ARHGEF38: variants seen among roughly 807,000 people sequenced by gnomAD.
The protein encoded by ARHGEF38 is Rho guanine nucleotide exchange factor (GEF) 38.
In ARHGEF38, 79 loss-of-function variants were observed where a neutral mutation model predicts 79.9. The observed-to-expected ratio is 0.99, with a 90% CI of 0.82 to 1.19. The LOEUF is 1.19. Among genes scored for constraint, ARHGEF38 ranks in the 50% most tolerant of loss-of-function variants. The pLI, the probability that ARHGEF38 is intolerant of heterozygous loss-of-function variation, is 0.00. For synonymous variants in ARHGEF38, 366 were observed against 328.3 expected (o/e 1.11, Z -1.24); for missense variants, 962 against 907.2 (o/e 1.06, Z -0.78).
intron 1 of ARHGEF38, among the ~76,000 whole-genome samples, chr4:105,576,362 C>A (rs1400927483): frequency 6.6e-6 from 1 of 150,484 alleles, no homozygotes; most frequent in Non-Finnish European, 1.5e-5. Flanking sequence ...AGAATTTTCA[C>A]CTCCTTGGTT....
chr4:105,615,565 A>G (rs1158969722), intron 3 of ARHGEF38, among the ~76,000 whole-genome samples: 1 of 152,206 alleles, frequency 6.6e-6, no homozygotes, highest in Non-Finnish European at 1.5e-5. Flanking sequence ...TCTAGAGCAT[A>G]CTGATTTTAG....
At chr4:105,657,205 A>G (rs1395991465) in intron 9 of ARHGEF38, among the ~76,000 whole-genome samples, 1 of 152,196 alleles carries the variant, frequency 6.6e-6, no homozygotes, top group African/African-American at 2.4e-5. Context: ...CAATACATTA[A>G]GTTAATATAT....
chr4:105,677,271 T>C (rs996141872), intron 13 of ARHGEF38, among the ~76,000 whole-genome samples: 5 of 152,148 alleles, frequency 3.3e-5, no homozygotes, highest in Non-Finnish European at 5.9e-5. Flanking sequence ...CCTGCACCGT[T>C]TTTAATGACT....
chr4:105,649,700 C>A (rs1730017982), intron 7 of ARHGEF38, among the ~76,000 whole-genome samples: 1 of 152,144 alleles, frequency 6.6e-6, no homozygotes, highest in African/African-American at 2.4e-5. Flanking sequence ...ATGGCTTTGG[C>A]AGCTGCTGTG....
At position 105,675,034 on chromosome 4, in the gene ARHGEF38, C is replaced by A. The variant is rs149033417; in HGVS notation, c.2149-2718C>A. 3.3e-5 allele frequency among the ~76,000 whole-genome samples: 5 copies of A among 152,218 alleles called. No individual in the cohort carries two copies. In the East Asian group the frequency reaches 9.6e-4, roughly 29 times the overall value. ...GATGTATTATAGTACGTTACATTCCCGAATACTTTTGCAAACCAAATCTTC... is the reference window on the plus strand; with the variant it reads ...GATGTATTATAGTACGTTACATTCCAGAATACTTTTGCAAACCAAATCTTC... On this transcript the variant is annotated intron_variant, in intron 13 of 13. Transcript: ENST00000420470.
At chr4:105,627,091 C>T (rs1448977396) in intron 3 of ARHGEF38, among the ~76,000 whole-genome samples, 2 of 152,144 alleles carry the variant, frequency 1.3e-5, no homozygotes, top group African/African-American at 4.8e-5. Flanking sequence ...CTCTCTCTCC[C>T]TTGGTGTCCT....
intron 1 of ARHGEF38, among the ~76,000 whole-genome samples, chr4:105,557,101 T>A (rs1725286679): frequency 6.6e-6 from 1 of 152,146 alleles, no homozygotes; most frequent in Non-Finnish European, 1.5e-5. Flanking sequence ...GTGGTTGAGT[T>A]GTAAAAACTC....
chr4:105,601,205 T>C (rs1017159251), intron 2 of ARHGEF38, among the ~76,000 whole-genome samples: 1 of 152,184 alleles, frequency 6.6e-6, no homozygotes, highest in Non-Finnish European at 1.5e-5. Context: ...TATTTTTACC[T>C]TCTGACCTCT....
At chr4:105,559,421 G>T (rs1204185204) in intron 1 of ARHGEF38, among the ~76,000 whole-genome samples, 3 of 152,082 alleles carry the variant, frequency 2.0e-5, no homozygotes, top group Non-Finnish European at 4.4e-5. Context: ...GCTTGATCAT[G>T]CTGGAGTGTT....
intron 7 of ARHGEF38, among the ~76,000 whole-genome samples, chr4:105,653,271 C>G (rs1031688069): frequency 3.3e-5 from 5 of 151,270 alleles, no homozygotes; most frequent in African/African-American, 1.2e-4. Flanking sequence ...ACTATTTTTG[C>G]TAAGATTATA....
At chr4:105,587,500 G>A (rs141668892) in intron 1 of ARHGEF38, among the ~76,000 whole-genome samples, 6,512 of 151,952 alleles carry the variant, frequency 0.043, 196 homozygotes, top group Non-Finnish European at 0.066. Flanking sequence ...TCATTCTCTC[G>A]CCCAGGCTGG....
intron 8 of ARHGEF38, 127 bp downstream of exon 8, chr4:105,654,296 T>C: frequency 1.8e-6 from 1 of 553,578 alleles, no homozygotes; most frequent in Non-Finnish European, 2.9e-6. Flanking sequence ...GGATCAAAAT[T>C]GGAAGGCTGC....
chr4:105,567,822 G>A (rs973029720), intron 1 of ARHGEF38, among the ~76,000 whole-genome samples: 2 of 151,274 alleles, frequency 1.3e-5, no homozygotes, highest in African/African-American at 2.4e-5. Context: ...GGGTACATGT[G>A]CACATTGTGC....
intron 10 of ARHGEF38, among the ~76,000 whole-genome samples, chr4:105,663,636 T>C (rs1045803332): frequency 1.5e-4 from 23 of 152,366 alleles, no homozygotes; most frequent in African/African-American, 5.5e-4. Flanking sequence ...GTGATAGGAT[T>C]TCTTTCATTT....
At position 105,679,318 on chromosome 4, in the gene ARHGEF38, A is replaced by T; in HGVS notation, c.*1381A>T. The T allele has an allele frequency of 1.2e-6, 1 of 844,424 alleles. No homozygotes were observed. The highest frequency in any genetic ancestry group is 2.0e-6 in the Non-Finnish European group (1 of 501,234). The allele number at this position is 844,424 out of a possible 1,614,324, so 52.3% of individuals were successfully genotyped here. A position where few individuals can be genotyped will look rare whatever the true frequency, so the allele number is the denominator to read the frequency against. ...CATGCCACTTTGCCTGTAACCTTTG[A>T]CTCAATTGGAGGAATATCAAAGCAA... On this transcript the variant is annotated 3_prime_UTR_variant, in exon 14 of 14. Coordinates refer to ENST00000420470, the MANE Select transcript of ARHGEF38 (RefSeq NM_001242729.2).
intron 1 of ARHGEF38, among the ~76,000 whole-genome samples, chr4:105,587,963 C>T (rs187558106): frequency 1.3e-5 from 2 of 152,300 alleles, no homozygotes; most frequent in East Asian, 3.9e-4. Flanking sequence ...GAATTACTCT[C>T]CACAGATGTT....
At chr4:105,660,574 G>T (rs1730523621) in intron 10 of ARHGEF38, among the ~76,000 whole-genome samples, 1 of 151,872 alleles carries the variant, frequency 6.6e-6, no homozygotes, top group Admixed American at 6.6e-5. Context: ...TAAGTAGCTG[G>T]GATTACAGGC....
chr4:105,623,282 T>C (rs1208962690), intron 3 of ARHGEF38, among the ~76,000 whole-genome samples: 2 of 152,226 alleles, frequency 1.3e-5, no homozygotes, highest in Non-Finnish European at 2.9e-5. Context: ...AGGTGATTGT[T>C]GTTACTGTCG....
In ARHGEF38 at chr4:105,660,376, T is replaced by A. The variant is rs555752496; in HGVS notation, c.1545+1011T>A. 8.0e-4 allele frequency among the ~76,000 whole-genome samples: 122 copies of A among 152,156 alleles called. 1 individual carries two copies. The highest frequency in any genetic ancestry group is 1.5e-3 in the Non-Finnish European group (105 of 68,004). On this transcript the variant is annotated intron_variant, in intron 10 of 13. Coordinates refer to ENST00000420470, the MANE Select transcript of ARHGEF38 (RefSeq NM_001242729.2). ...ATTATATATACCATTCTGCACTTGC[T>A]CTTTAACAATATATTCTGAGAATGC...
Sources: gnomAD v4.1 joint callset for allele counts (sites outside exome capture counted in the v4.1 genomes callset) on GRCh38, gnomAD v4.1.1 for gene constraint, MANE v1.5 for transcripts, NCBI Gene and HGNC (gene_info 2026-07-23, HGNC 2026-07-21) for gene names.